Variants in ZNF33A observed in about 807,000 individuals in gnomAD.
ZNF33A encodes the protein zinc finger protein 33A.
Under a neutral mutation model 15.9 loss-of-function variants are expected in ZNF33A, and 9 were observed. That is an observed-to-expected ratio of 0.57 (90% CI 0.34 to 0.99). The LOEUF (loss-of-function observed/expected upper bound fraction) is 0.99, where lower values mean the gene tolerates loss of function less well. Ranked by LOEUF, ZNF33A falls within the 50% of genes least tolerant of loss-of-function variation. ZNF33A has a pLI of 0.02. For missense variants in ZNF33A, 843 were observed against 941.6 expected (o/e 0.90, Z 1.37); for synonymous variants, 294 against 324.2 (o/e 0.91, Z 1.00).
intron 4 of ZNF33A, among the ~76,000 whole-genome samples, chr10:38,051,434 C>A (rs1304787105): frequency 6.6e-6 from 1 of 152,008 alleles, no homozygotes; most frequent in Non-Finnish European, 1.5e-5. Flanking sequence ...TCAACCTTCT[C>A]AAAATTAAAA....
intron 4 of ZNF33A, among the ~76,000 whole-genome samples, chr10:38,040,729 GA>G (rs1243357870): frequency 6.6e-6 from 1 of 152,094 alleles, no homozygotes; most frequent in African/African-American, 2.4e-5. Context: ...TCACACTTTT[GA>G]CAACCTGAGA....
At chr10:38,018,250 CAG>C (rs1431154969) in intron 4 of ZNF33A, among the ~76,000 whole-genome samples, 2 of 152,106 alleles carry the variant, frequency 1.3e-5, no homozygotes, top group Non-Finnish European at 2.9e-5. Context: ...AAAGAACAGT[CAG>C]GGGAAACCTT....
At chr10:38,052,357 C>G (rs1488440113) in intron 4 of ZNF33A, among the ~76,000 whole-genome samples, 1 of 151,942 alleles carries the variant, frequency 6.6e-6, no homozygotes, top group Non-Finnish European at 1.5e-5. Context: ...TTTAAAAGTT[C>G]CATTTGCAAT....
intron 2 of ZNF33A, among the ~76,000 whole-genome samples, chr10:38,012,624 G>T (rs1231590244): frequency 1.3e-5 from 2 of 151,932 alleles, no homozygotes; most frequent in Non-Finnish European, 2.9e-5. Flanking sequence ...TAGAGACAGG[G>T]TTTCACCGTG....
Position 38,059,474 on chromosome 10 carries a change from C to T in ZNF33A, c.*2914C>T, listed in dbSNP as rs2135789664. The T allele has an allele frequency of 6.6e-6, 1 of 152,306 alleles. No homozygotes were observed. The highest frequency in any genetic ancestry group is 1.5e-5 in the Non-Finnish European group (1 of 68,030). The allele number at this position is 152,306 out of a possible 1,614,324, so 9.4% of individuals were successfully genotyped here. Reference sequence around the variant, plus strand: ...AGAATTCTAAATAACAAAAACCCTGCTGACATTAATAAGCAATTACAGCAG... The same window carrying T: ...AGAATTCTAAATAACAAAAACCCTGTTGACATTAATAAGCAATTACAGCAG... On this transcript the variant is annotated 3_prime_UTR_variant, in exon 5 of 5. Transcript: ENST00000432900.
At chr10:38,025,126 A>T (rs1275502233) in intron 4 of ZNF33A, among the ~76,000 whole-genome samples, 6 of 152,196 alleles carry the variant, frequency 3.9e-5, no homozygotes, top group African/African-American at 1.2e-4. Context: ...AGGGCTCAAT[A>T]CTATCTGAGG....
At chr10:38,033,902 G>A (rs1403563797) in intron 4 of ZNF33A, among the ~76,000 whole-genome samples, 7 of 151,812 alleles carry the variant, frequency 4.6e-5, no homozygotes, top group South Asian at 2.1e-4. Context: ...TGGTAGAGAC[G>A]GGGTTTCATC....
chr10:38,057,073 T>C lies in ZNF33A; in HGVS notation c.*513T>C. 1.5e-6 allele frequency: 1 copy of C among 649,090 alleles called. No homozygotes were observed. The highest frequency in any genetic ancestry group is 1.9e-6 in the Non-Finnish European group (1 of 521,930). The allele number at this position is 649,090 out of a possible 1,614,324, so 40.2% of individuals were successfully genotyped here. A position where few individuals can be genotyped will look rare whatever the true frequency, so the allele number is the denominator to read the frequency against. On this transcript the variant is annotated 3_prime_UTR_variant, in exon 5 of 5. Transcript: ENST00000432900. ...AAATCGATGTTACCTTGCTGGTAGA[T>C]AGAGACTTAGTCAGATTTTACTATG...
chr10:38,066,607 A>G (rs1461026395), downstream of ZNF33A, among the ~76,000 whole-genome samples: 3 of 151,916 alleles, frequency 2.0e-5, no homozygotes, highest in East Asian at 3.9e-4. Context: ...AGGATCAGGC[A>G]TTAAACTCTC....
chr10:38,041,926 T>G (rs536574807), intron 4 of ZNF33A, among the ~76,000 whole-genome samples: 66 of 152,290 alleles, frequency 4.3e-4, no homozygotes, highest in African/African-American at 1.6e-3. Flanking sequence ...GTATATGTGT[T>G]CCATGGTGGT....
intron 2 of ZNF33A, among the ~76,000 whole-genome samples, chr10:38,016,550 C>G (rs1278726864): frequency 2.0e-5 from 3 of 152,212 alleles, no homozygotes; most frequent in Non-Finnish European, 4.4e-5. Flanking sequence ...TAATGTTAGT[C>G]TACTGTGTTT....
chr10:38,052,163 T>C (rs1045207527), intron 4 of ZNF33A, among the ~76,000 whole-genome samples: 1 of 152,002 alleles, frequency 6.6e-6, no homozygotes. Context: ...AGAAAAGAAG[T>C]AGAAATGTCT....
Position 38,010,765 on chromosome 10 carries a change from A to G in ZNF33A, c.-63A>G, listed in dbSNP as rs1388210471. The G allele has an allele frequency of 1.3e-6, 2 of 1,598,450 alleles. No homozygotes were observed. Among genetic ancestry groups the G allele is most frequent in the Non-Finnish European group, 1.7e-6 (2 of 1,179,808 alleles). On this transcript the variant is annotated 5_prime_UTR_variant, in exon 1 of 5. Coordinates refer to ENST00000432900, the MANE Select transcript of ZNF33A (RefSeq NM_006954.2). ...CTACGCGCTTTTCTATGGCGAATGC[A>G]ACCCGACGAGGGAGTGGGGTAAGCC...
chr10:38,058,101 T>G lies in ZNF33A; in HGVS notation c.*1541T>G, dbSNP rs969031819. 7.3e-6 allele frequency: 7 copies of G among 956,506 alleles called. No homozygotes were observed. The African/African-American group carries it at 1.2e-4, about 17-fold the overall frequency. The allele number at this position is 956,506 out of a possible 1,614,324, so 59.3% of individuals were successfully genotyped here. A position where few individuals can be genotyped will look rare whatever the true frequency, so the allele number is the denominator to read the frequency against. ...AATCTAAGCTTCCACTTTAGGAAAC[T>G]AGAAAAAGAAGAGCAAATTAAATCC... On this transcript the variant is annotated 3_prime_UTR_variant, in exon 5 of 5. Transcript: ENST00000432900.
At chr10:38,066,453 C>T (rs568844216), downstream of ZNF33A, among the ~76,000 whole-genome samples, 49 of 151,900 alleles carry the variant, frequency 3.2e-4, no homozygotes, top group Admixed American at 1.4e-3. Context: ...GTGGCCTCAC[C>T]GTCTTGGCCA....
At chr10:38,029,703 A>C (rs1462480287) in intron 4 of ZNF33A, among the ~76,000 whole-genome samples, 1 of 152,200 alleles carries the variant, frequency 6.6e-6, no homozygotes, top group Non-Finnish European at 1.5e-5. Context: ...GAAAAATGTG[A>C]CCTATGCACA....
At chr10:38,010,843 G>A (rs2064136475) in intron 1 of ZNF33A, 60 bp downstream of exon 1, 2 of 1,590,200 alleles carry the variant, frequency 1.3e-6, no homozygotes, top group Non-Finnish European at 1.7e-6. Context: ...CCTGGGGCGG[G>A]CGGCAGGGGG....
In ZNF33A at chr10:38,054,753, A is replaced by T; in HGVS notation, c.629A>T (p.Glu210Val). ...CATCATGAGGAGACTTTGCAGCATG[A>T]GAAGATTCAAACTTTAGAGCACAAT... ...LSHHEETLQH[E>V]KIQTLEHNFE... The change falls in exon 5 of 5, where the codon GAG becomes GTG. Residue 210 changes from glutamate to valine, a missense_variant. By Grantham distance (121) the Glu-to-Val change is moderately radical. Transcript: ENST00000432900. 1 of 1,613,624 alleles carries T rather than the reference A, an allele frequency of 6.2e-7. No homozygotes were observed. Among genetic ancestry groups the T allele is most frequent in the African/African-American group, 1.3e-5 (1 of 75,012 alleles).
chr10:38,020,260 A>C (rs896222496), intron 4 of ZNF33A, among the ~76,000 whole-genome samples: 6 of 152,172 alleles, frequency 3.9e-5, no homozygotes, highest in Admixed American at 2.6e-4. Flanking sequence ...TAGTAGGTAT[A>C]TATATTTTTG....
Sources: allele counts gnomAD v4.1 joint callset (sites outside exome capture counted in the v4.1 genomes callset), GRCh38; gene constraint gnomAD v4.1.1; transcripts MANE v1.5; gene names NCBI Gene and HGNC (gene_info 2026-07-23, HGNC 2026-07-21).